The following PHC2 variants were observed in gnomAD, a reference collection of about 807,000 sequenced individuals.
The protein encoded by PHC2 is polyhomeotic-like protein 2.
A neutral mutation model predicts 87.4 loss-of-function variants in PHC2; 29 were observed. That is an observed-to-expected ratio of 0.33 (90% CI 0.25 to 0.45). The LOEUF is 0.45. Among genes scored for constraint, PHC2 ranks in the 20% least tolerant of loss-of-function variants. The pLI, the probability that PHC2 is intolerant of heterozygous loss-of-function variation, is 1.00. For missense variants in PHC2, 857 were observed against 1,136.7 expected, an observed-to-expected ratio of 0.75 and a Z score of 3.54; for synonymous variants, 438 against 461.7, an observed-to-expected ratio of 0.95 and a Z score of 0.66.
rs764560822 is a variant in PHC2, at chr1:33,355,212, ATGGCTGTGGGAGGAGC to A, written c.1002_1017del (p.Gln334HisfsTer11). 6.3e-7 allele frequency: 1 copy of A among 1,599,684 alleles called. No homozygotes were observed. Among genetic ancestry groups the A allele is most frequent in the Non-Finnish European group, 8.5e-7 (1 of 1,172,190 alleles). The stretch of plus-strand genomic sequence containing the variant: ...AATTGGGGCTGCAGGTGCTTTGAGG[ATGGCTGTGGGAGGAGC>A]TGGTGTGGCTGCAGCTGAGCATAGG... On this transcript the variant is annotated frameshift_variant, in exon 8 of 15. Coordinates refer to ENST00000683057, the MANE Select transcript of PHC2 (RefSeq NM_001385109.1). LOFTEE classifies it high-confidence loss of function.
At chr1:33,340,497 C>A (rs1646723076) in intron 9 of PHC2, among the ~76,000 whole-genome samples, 1 of 152,184 alleles carries the variant, frequency 6.6e-6, no homozygotes, top group Admixed American at 6.5e-5. Flanking sequence ...ACAGCACATA[C>A]CTGGTCCAAG....
intron 9 of PHC2, chr1:33,346,624 C>A (rs1197006631): frequency 1.0e-6 from 1 of 985,302 alleles, no homozygotes; most frequent in Non-Finnish European, 1.2e-6. Flanking sequence ...ATTACAGGAA[C>A]TGGAGTCACC....
In PHC2 at chr1:33,328,857, C is replaced by G. The variant is rs1475836024; in HGVS notation, c.2425+13G>C. On this transcript the variant is annotated intron_variant, in intron 14 of 14. Transcript: ENST00000683057. The stretch of plus-strand genomic sequence containing the variant: ...GCTATTCCGGGGAGACATGGAATTT[C>G]CAAGGGCCTTACCTGGCAGAGAGCG... 6.3e-7 allele frequency: 1 copy of G among 1,592,322 alleles called. No individual in the cohort carries two copies.
chr1:33,401,693 T>C (rs6659286), intron 1 of PHC2, among the ~76,000 whole-genome samples: 2 of 152,284 alleles, frequency 1.3e-5, no homozygotes, highest in East Asian at 3.9e-4. Flanking sequence ...AAACAGAAGT[T>C]CCCAAAATAG....
intron 9 of PHC2, among the ~76,000 whole-genome samples, chr1:33,340,432 T>C (rs1646721604): frequency 6.6e-6 from 1 of 152,130 alleles, no homozygotes. Flanking sequence ...ACCGCCTCAG[T>C]GGAGCACTGC....
chr1:33,362,862 C>T (rs372783413), intron 7 of PHC2, among the ~76,000 whole-genome samples: 81 of 152,304 alleles, frequency 5.3e-4, no homozygotes, highest in African/African-American at 1.9e-3. Context: ...TAATGTTTGG[C>T]ACATAAGAGG....
chr1:33,393,604 T>TA (rs1296692398), intron 1 of PHC2, among the ~76,000 whole-genome samples: 4 of 150,982 alleles, frequency 2.6e-5, no homozygotes, highest in African/African-American at 9.8e-5. Context: ...ACTCAGGAGA[T>TA]AGTCTCCAAG....
At chr1:33,402,607 C>G (rs1313575005) in intron 1 of PHC2, among the ~76,000 whole-genome samples, 9 of 152,050 alleles carry the variant, frequency 5.9e-5, no homozygotes, top group African/African-American at 1.9e-4. Context: ...CAATGGAATG[C>G]TATACAACAG....
chr1:33,430,281 G>A (rs2148415035), intron 1 of PHC2, among the ~76,000 whole-genome samples: 1 of 152,318 alleles, frequency 6.6e-6, no homozygotes, highest in East Asian at 1.9e-4. Context: ...CAGAAAACAA[G>A]GGACCAGCGC....
At chr1:33,398,575 C>G (rs1409184425) in intron 1 of PHC2, among the ~76,000 whole-genome samples, 1 of 152,102 alleles carries the variant, frequency 6.6e-6, no homozygotes, top group East Asian at 1.9e-4. Context: ...AGTATCTGGG[C>G]TTCAACATCA....
rs78146913 is a variant in PHC2 at position 33,429,382 on chromosome 1, T to C, written c.-55+1594A>G. ...GAAGGAAAAAAAGCCATAGTTACAA[T>C]AGAAAGCCATTCCCTAGAGATAACA... On this transcript the variant is annotated intron_variant, in intron 1 of 14. Coordinates refer to ENST00000683057, the MANE Select transcript of PHC2 (RefSeq NM_001385109.1). Among the ~76,000 whole-genome samples the C allele has an allele frequency of 4.1e-3, 622 of 152,308 alleles. 6 individuals carry two copies. The highest frequency in any genetic ancestry group is 0.014 in the African/African-American group (596 of 41,574).
At chr1:33,366,065 C>T (rs1647430940) in intron 7 of PHC2, among the ~76,000 whole-genome samples, 2 of 152,152 alleles carry the variant, frequency 1.3e-5, no homozygotes, top group African/African-American at 4.8e-5. Context: ...CTTTTGACTG[C>T]ACACTCTAGG....
At position 33,349,646 on chromosome 1, in the gene PHC2, C is replaced by T; in HGVS notation, c.1558+4755G>A. ...GCCGGGCGGGGCCTACGCAGCCCCT[C>T]GGCCGGGCGCCGACTCGCGCGGGGT... On this transcript the variant is annotated intron_variant, in intron 9 of 14. Transcript: ENST00000683057. The surrounding 1 kb of genome is among the most constrained non-coding windows in gnomAD (Gnocchi z 4.2). 1.0e-6 allele frequency: 1 copy of T among 983,172 alleles called. No individual in the cohort carries two copies. The highest frequency in any genetic ancestry group is 1.2e-6 in the Non-Finnish European group (1 of 829,278). The allele number at this position is 983,172 out of a possible 1,614,324, so 60.9% of individuals were successfully genotyped here.
In PHC2 at chr1:33,349,850, G is replaced by GCGCC; in HGVS notation, c.1558+4550_1558+4551insGGCG. 2.0e-6 allele frequency: 2 copies of GCGCC among 977,002 alleles called. No homozygotes were observed. The highest frequency in any genetic ancestry group is 3.5e-5 in the African/African-American group (2 of 56,416). 60.5% of individuals were successfully genotyped at this position (977,002 alleles called of 1,614,324 possible). On this transcript the variant is annotated intron_variant, in intron 9 of 14. Transcript: ENST00000683057. This position sits in a 1 kb window ranked among gnomAD's most constrained non-coding sequence, Gnocchi z 4.2. ...GCGCGGGCGGCGGCCGGGGTTGCGC[G>GCGCC]CGCGCGCGCGGCGGGCGCTCGAGGG... is the stretch of plus-strand genomic sequence containing the variant.
intron 1 of PHC2, among the ~76,000 whole-genome samples, chr1:33,420,411 G>A (rs1650388492): frequency 6.6e-6 from 1 of 152,044 alleles, no homozygotes; most frequent in South Asian, 2.1e-4. Flanking sequence ...AAGATAAAGA[G>A]AAACTAGACT....
At chr1:33,356,232 C>A (rs2148286621) in intron 7 of PHC2, among the ~76,000 whole-genome samples, 1 of 113,470 alleles carries the variant, frequency 8.8e-6, no homozygotes, top group Admixed American at 9.1e-5. Context: ...CAGGCTGACT[C>A]TTTGAGGTGA....
chr1:33,357,121 C>T (rs1647104930), intron 7 of PHC2, among the ~76,000 whole-genome samples: 1 of 152,216 alleles, frequency 6.6e-6, no homozygotes, highest in African/African-American at 2.4e-5. Flanking sequence ...AAAAACTGCC[C>T]TCCACAGAGA....
At chr1:33,348,875 G>A (rs1646898299) in intron 9 of PHC2, among the ~76,000 whole-genome samples, 1 of 152,200 alleles carries the variant, frequency 6.6e-6, no homozygotes, top group South Asian at 2.1e-4. Flanking sequence ...TGGGTGGGCA[G>A]TAGCAGGGCA....
intron 7 of PHC2, among the ~76,000 whole-genome samples, chr1:33,363,473 C>G (rs990281360): frequency 2.6e-5 from 4 of 152,194 alleles, no homozygotes; most frequent in African/African-American, 9.7e-5. Context: ...ATCCTGGAAT[C>G]AGCAACACTG....
Sources: gnomAD v4.1 joint callset for allele counts (sites outside exome capture counted in the v4.1 genomes callset) on GRCh38, gnomAD v4.1.1 for gene constraint, Gnocchi (gnomAD v3.1) non-coding constraint, MANE v1.5 for transcripts, NCBI Gene and HGNC (gene_info 2026-07-23, HGNC 2026-07-21) for gene names.